Variants in GSTCD observed in about 807,000 individuals in gnomAD.
GSTCD encodes the protein glutathione S-transferase C-terminal domain-containing protein.
GSTCD carries 44 observed loss-of-function variants against 68.3 expected under a neutral mutation model. The ratio of observed to expected loss-of-function variants is 0.64; its 90% CI spans 0.51 to 0.83. The LOEUF is 0.83. GSTCD is among the 40% of genes least tolerant of loss of function. The pLI is 0.00. For synonymous variants in GSTCD, 273 were observed against 255.2 expected (o/e 1.07, Z -0.67); for missense variants, 739 against 735.9 (o/e 1.00, Z -0.05).
intron 5 of GSTCD, among the ~76,000 whole-genome samples, chr4:105,782,813 A>G (rs1161176387): frequency 2.0e-5 from 3 of 152,142 alleles, no homozygotes; most frequent in African/African-American, 7.2e-5. Flanking sequence ...AGAATTCTTA[A>G]TAATCGCTTC....
At chr4:105,733,437 A>T (rs1266663301) in intron 5 of GSTCD, among the ~76,000 whole-genome samples, 1 of 152,208 alleles carries the variant, frequency 6.6e-6, no homozygotes, top group Non-Finnish European at 1.5e-5. Context: ...ATTTACCATT[A>T]TGTAATGGCC....
chr4:105,839,101 C>T (rs1724232929), intron 10 of GSTCD, among the ~76,000 whole-genome samples: 1 of 152,174 alleles, frequency 6.6e-6, no homozygotes, highest in South Asian at 2.1e-4. Flanking sequence ...TCCCCTCTTC[C>T]TACCAACCCC....
At chr4:105,771,780 G>T (rs1055057073) in intron 5 of GSTCD, among the ~76,000 whole-genome samples, 1 of 152,140 alleles carries the variant, frequency 6.6e-6, no homozygotes, top group African/African-American at 2.4e-5. Context: ...TAGCCTTGTA[G>T]TATAGTCTGA....
At chr4:105,776,004 C>T (rs138273052) in intron 5 of GSTCD, among the ~76,000 whole-genome samples, 95 of 152,302 alleles carry the variant, frequency 6.2e-4, no homozygotes, top group African/African-American at 2.2e-3. Flanking sequence ...TCCATAAGCC[C>T]GACTGGGGCA....
intron 7 of GSTCD, among the ~76,000 whole-genome samples, chr4:105,825,060 G>A (rs1723521019): frequency 6.6e-6 from 1 of 151,856 alleles, no homozygotes; most frequent in South Asian, 2.1e-4. Flanking sequence ...TATTATTTTT[G>A]ATGTTTTGTT....
At position 105,719,457 on chromosome 4, in the gene GSTCD, AT is replaced by A. The variant is rs923708051; in HGVS notation, c.825del (p.His275GlnfsTer25). On this transcript the variant is annotated frameshift_variant, in exon 3 of 12. Transcript: ENST00000515279. LOFTEE classifies it high-confidence loss of function. ...AKASDLPPLE[H>X]VFAEGLYFTL... is the part of the protein sequence containing the mutation. Reference sequence around the variant, plus strand: ...GCCTCCGACCTTCCACCTCTGGAGCATGTGTTTGCAGAAGGGCTTTACTTCA... The same window carrying A: ...GCCTCCGACCTTCCACCTCTGGAGCAGTGTTTGCAGAAGGGCTTTACTTCA... The A allele has an allele frequency of 3.1e-6, 5 of 1,614,060 alleles. No individual in the cohort carries two copies. In the Admixed American group the frequency reaches 6.7e-5, roughly 22 times the overall value.
At chr4:105,843,952 G>C (rs1724454027) in intron 11 of GSTCD, among the ~76,000 whole-genome samples, 1 of 152,090 alleles carries the variant, frequency 6.6e-6, no homozygotes, top group African/African-American at 2.4e-5. Flanking sequence ...GAATCACATT[G>C]AGAGAAAGCT....
At chr4:105,741,465 A>G (rs1430393217) in intron 5 of GSTCD, among the ~76,000 whole-genome samples, 1 of 152,246 alleles carries the variant, frequency 6.6e-6, no homozygotes. Context: ...TGAAGAAGCT[A>G]AACTTAGAAT....
chr4:105,736,306 T>A (rs1733462090), intron 5 of GSTCD, among the ~76,000 whole-genome samples: 1 of 152,190 alleles, frequency 6.6e-6, no homozygotes. Flanking sequence ...CATTTGGGGT[T>A]ACCTCAATCT....
At chr4:105,723,218 CCAAGCAATTCA>C (rs1340144086) in intron 3 of GSTCD, among the ~76,000 whole-genome samples, 1 of 151,892 alleles carries the variant, frequency 6.6e-6, no homozygotes, top group African/African-American at 2.4e-5. Flanking sequence ...TAATCTATTT[CCAAGCAATTCA>C]CAATTCTTGA....
intron 11 of GSTCD, 55 bp from the exon 12 acceptor site, chr4:105,845,384 CTG>C: frequency 6.2e-7 from 1 of 1,605,762 alleles, no homozygotes; most frequent in Non-Finnish European, 8.5e-7. Context: ...CTTAAACAAA[CTG>C]AAACTGTCCT....
intron 5 of GSTCD, among the ~76,000 whole-genome samples, chr4:105,750,553 A>T (rs1298617704): frequency 2.6e-5 from 4 of 152,180 alleles, no homozygotes; most frequent in African/African-American, 9.6e-5. Flanking sequence ...GTAGGAATTT[A>T]AAATGGTACA....
At chr4:105,804,273 T>A (rs1290812392) in intron 5 of GSTCD, among the ~76,000 whole-genome samples, 1 of 152,056 alleles carries the variant, frequency 6.6e-6, no homozygotes, top group Non-Finnish European at 1.5e-5. Flanking sequence ...AAAGAAACTT[T>A]TCTATTAAAT....
Position 105,828,961 on chromosome 4 carries a change from G to C in GSTCD, c.1530+3161G>C, listed in dbSNP as rs540000460. On this transcript the variant is annotated intron_variant, in intron 8 of 11. Coordinates refer to ENST00000515279, the MANE Select transcript of GSTCD (RefSeq NM_001370181.1). ...CTGAACCAGAGAGGCACCAAGTATAGAGATATCAGGCATAGAGAAGGGCAA... is the reference window on the plus strand; with the variant it reads ...CTGAACCAGAGAGGCACCAAGTATACAGATATCAGGCATAGAGAAGGGCAA... Among the ~76,000 whole-genome samples the C allele has an allele frequency of 7.2e-5, 11 of 152,194 alleles. No individual in the cohort carries two copies. In the South Asian group the frequency reaches 1.2e-3, roughly 17 times the overall value.
rs555368320 is a variant in GSTCD at position 105,831,195 on chromosome 4, G to A, written c.1531-3266G>A. Among the ~76,000 whole-genome samples the A allele has an allele frequency of 5.3e-5, 8 of 152,284 alleles. No individual in the cohort carries two copies. In the South Asian group the frequency reaches 1.7e-3, roughly 32 times the overall value. On this transcript the variant is annotated intron_variant, in intron 8 of 11. Coordinates refer to ENST00000515279, the MANE Select transcript of GSTCD (RefSeq NM_001370181.1). Reference sequence around the variant, plus strand: ...GAGGGGAAACAAGAGTACACAGGTGGGACTAGCCTGCTTCTCTGTCTAAGG... The same window carrying A: ...GAGGGGAAACAAGAGTACACAGGTGAGACTAGCCTGCTTCTCTGTCTAAGG...
chr4:105,822,891 C>T (rs1239129217), intron 5 of GSTCD, 63 bp from the exon 6 acceptor site: 20 of 1,166,848 alleles, frequency 1.7e-5, no homozygotes, highest in Non-Finnish European at 2.4e-5. Flanking sequence ...CTATTTTAAG[C>T]GTGTCTTCTT....
chr4:105,836,202 G>A (rs1174975570), intron 9 of GSTCD, among the ~76,000 whole-genome samples: 1 of 152,154 alleles, frequency 6.6e-6, no homozygotes, highest in Non-Finnish European at 1.5e-5. Context: ...GCAACCCTCA[G>A]CAAAGAAGAG....
At chr4:105,839,374 G>A (rs182329159) in intron 10 of GSTCD, among the ~76,000 whole-genome samples, 1 of 152,286 alleles carries the variant, frequency 6.6e-6, no homozygotes, top group African/African-American at 2.4e-5. Flanking sequence ...AGTGGCTCAC[G>A]CCTGTAAACC....
In GSTCD at chr4:105,846,620, C is replaced by A. The variant is rs1724556096; in HGVS notation, c.*1043C>A. 6.7e-6 allele frequency: 1 copy of A among 150,356 alleles called. No homozygotes were observed. Among genetic ancestry groups the A allele is most frequent in the African/African-American group, 2.5e-5 (1 of 40,756 alleles). The allele number at this position is 150,356 out of a possible 1,614,324, so 9.3% of individuals were successfully genotyped here. On this transcript the variant is annotated 3_prime_UTR_variant, in exon 12 of 12. Transcript: ENST00000515279. ...AGTTGCAAAAGACATAATGTTTTGC[C>A]TATGGAAGTAGATCATCTAGAAGAA...
Sources: gnomAD v4.1 joint callset for allele counts (sites outside exome capture counted in the v4.1 genomes callset) on GRCh38, gnomAD v4.1.1 for gene constraint, MANE v1.5 for transcripts, NCBI Gene and HGNC (gene_info 2026-07-23, HGNC 2026-07-21) for gene names.